The following MYO3B variants were observed in gnomAD, a reference collection of about 807,000 sequenced individuals.
MYO3B encodes the protein myosin IIIB.
MYO3B carries 156 observed loss-of-function variants against 174.6 expected under a neutral mutation model. The ratio of observed to expected loss-of-function variants is 0.89; its 90% CI spans 0.78 to 1.02. The LOEUF is 1.02. Ranked by LOEUF, MYO3B falls within the 50% of genes least tolerant of loss-of-function variation. MYO3B has a pLI of 0.00. For missense variants in MYO3B, 1,632 were observed against 1,639.4 expected, an observed-to-expected ratio of 1.00 and a Z score of 0.08; for synonymous variants, 563 against 569.1, an observed-to-expected ratio of 0.99 and a Z score of 0.15.
At chr2:170,321,440 T>C (rs1305745161) in intron 7 of MYO3B, among the ~76,000 whole-genome samples, 1 of 152,006 alleles carries the variant, frequency 6.6e-6, no homozygotes, top group Non-Finnish European at 1.5e-5. Flanking sequence ...AAAGTTTAAA[T>C]ATACAAAAAA....
At chr2:170,610,544 T>C (rs1056033661) in intron 32 of MYO3B, among the ~76,000 whole-genome samples, 2 of 152,196 alleles carry the variant, frequency 1.3e-5, no homozygotes, top group Non-Finnish European at 2.9e-5. Flanking sequence ...CTTTAAAAGC[T>C]GACATGAGAT....
intron 8 of MYO3B, among the ~76,000 whole-genome samples, chr2:170,368,295 C>G (rs564496708): frequency 3.3e-5 from 5 of 152,290 alleles, no homozygotes; most frequent in Non-Finnish European, 5.9e-5. Context: ...TCCTAAGCCT[C>G]CAATGTGGGC....
Position 170,383,776 on chromosome 2 carries a change from G to GCAAACCAGTGCAT in MYO3B, c.1253_1254insAAACCAGTGCATC (p.Ala419AsnfsTer47). On this transcript the variant is annotated frameshift_variant, in exon 12 of 35. Transcript: ENST00000408978. LOFTEE classifies it high-confidence loss of function. ...CCCCCACATATTTGCATCAGCAGAT[G>GCAAACCAGTGCAT]CTGCTTACCAGTGCATGGTTACTCT... is the stretch of plus-strand genomic sequence containing the variant. 6.2e-7 allele frequency: 1 copy of GCAAACCAGTGCAT among 1,613,784 alleles called. No individual in the cohort carries two copies. Among genetic ancestry groups the GCAAACCAGTGCAT allele is most frequent in the Admixed American group, 1.7e-5 (1 of 60,004 alleles).
At chr2:170,631,757 C>T (rs1260217215) in intron 32 of MYO3B, among the ~76,000 whole-genome samples, 2 of 151,876 alleles carry the variant, frequency 1.3e-5, no homozygotes, top group Non-Finnish European at 2.9e-5. Context: ...ATTCAACATT[C>T]AATGTGCAGA....
In MYO3B at chr2:170,498,675, TA is replaced by T. The variant is rs1242170473; in HGVS notation, c.3099del (p.Asp1034IlefsTer20). ...SCVAILEKSR[L>X]DHWVLGKTKV... is the part of the protein sequence containing the mutation. ...GTGGCTATCTTGGAAAAGTCCAGAT[TA>T]GATCACTGGGTACTGGGAAAAACAA... On this transcript the variant is annotated frameshift_variant, in exon 26 of 35. Coordinates refer to ENST00000408978, the MANE Select transcript of MYO3B (RefSeq NM_138995.5). LOFTEE classifies it high-confidence loss of function. 1 of 1,613,356 alleles carries T rather than the reference TA, an allele frequency of 6.2e-7. No individual in the cohort carries two copies. Among genetic ancestry groups the T allele is most frequent in the Non-Finnish European group, 8.5e-7 (1 of 1,179,398 alleles).
chr2:170,252,805 G>A (rs181422998), intron 7 of MYO3B, among the ~76,000 whole-genome samples: 135 of 152,260 alleles, frequency 8.9e-4, no homozygotes, highest in South Asian at 3.5e-3. Context: ...GGGAATAAGG[G>A]AGCAAGCCAC....
intron 21 of MYO3B, among the ~76,000 whole-genome samples, chr2:170,407,483 C>T (rs1295654204): frequency 6.6e-6 from 1 of 151,870 alleles, no homozygotes; most frequent in Non-Finnish European, 1.5e-5. Context: ...AACAAAACAA[C>T]AACAAAAGAA....
intron 30 of MYO3B, among the ~76,000 whole-genome samples, chr2:170,532,816 CAAAAA>C (rs35190722): frequency 2.3e-5 from 2 of 85,288 alleles, no homozygotes; most frequent in African/African-American, 8.9e-5. Context: ...AACTCTGTCT[CAAAAA>C]AAAAAAAAAA....
intron 22 of MYO3B, among the ~76,000 whole-genome samples, chr2:170,430,349 C>T (rs1210317468): frequency 6.7e-6 from 1 of 149,706 alleles, no homozygotes; most frequent in Non-Finnish European, 1.5e-5. Flanking sequence ...AGAATCATTC[C>T]ATAAAAATTT....
At chr2:170,417,147 A>G (rs1350050936) in intron 22 of MYO3B, among the ~76,000 whole-genome samples, 1 of 152,104 alleles carries the variant, frequency 6.6e-6, no homozygotes, top group Admixed American at 6.5e-5. Flanking sequence ...CTGACCCAGA[A>G]TTTAAGCTCA....
intron 25 of MYO3B, among the ~76,000 whole-genome samples, chr2:170,472,937 G>C (rs1160612825): frequency 1.3e-5 from 2 of 151,692 alleles, no homozygotes; most frequent in East Asian, 3.9e-4. Context: ...CTGAGCTCGA[G>C]CAATCTGTCT....
intron 28 of MYO3B, among the ~76,000 whole-genome samples, chr2:170,507,134 G>C (rs1687663913): frequency 6.6e-6 from 1 of 152,132 alleles, no homozygotes; most frequent in Non-Finnish European, 1.5e-5. Flanking sequence ...CTCTTTTCCT[G>C]GTGTTTTCCG....
intron 8 of MYO3B, among the ~76,000 whole-genome samples, chr2:170,336,810 A>G (rs1025448575): frequency 3.3e-5 from 5 of 152,110 alleles, no homozygotes; most frequent in Non-Finnish European, 5.9e-5. Flanking sequence ...CTATGAACCT[A>G]TATTTCAGTT....
At chr2:170,352,242 C>T (rs113281142) in intron 8 of MYO3B, among the ~76,000 whole-genome samples, 4,529 of 152,224 alleles carry the variant, frequency 0.03, 223 homozygotes, top group African/African-American at 0.1. Context: ...TGTGAGCCAC[C>T]GTGCCCGGCC....
At chr2:170,220,577 C>T (rs1393737376) in intron 6 of MYO3B, among the ~76,000 whole-genome samples, 1 of 137,504 alleles carries the variant, frequency 7.3e-6, no homozygotes, top group Non-Finnish European at 1.5e-5. Context: ...TGCAGTGAGC[C>T]AAGATTGCAC....
intron 30 of MYO3B, among the ~76,000 whole-genome samples, chr2:170,541,815 A>G (rs1171493766): frequency 6.6e-6 from 1 of 152,212 alleles, no homozygotes; most frequent in African/African-American, 2.4e-5. Flanking sequence ...TGTGGGAGAC[A>G]TATGATAAGC....
intron 7 of MYO3B, among the ~76,000 whole-genome samples, chr2:170,304,976 T>C (rs1243937548): frequency 1.3e-5 from 2 of 152,068 alleles, no homozygotes; most frequent in Non-Finnish European, 2.9e-5. Context: ...GGCTTTTGAA[T>C]TCTATTTCAT....
At chr2:170,469,009 G>T (rs1684809791) in intron 25 of MYO3B, among the ~76,000 whole-genome samples, 1 of 152,098 alleles carries the variant, frequency 6.6e-6, no homozygotes, top group Non-Finnish European at 1.5e-5. Flanking sequence ...ACAAAAATTA[G>T]CTGGGTGTGG....
chr2:170,345,170 A>G (rs1316511990), intron 8 of MYO3B: 2 of 152,240 alleles, frequency 1.3e-5, no homozygotes, highest in African/African-American at 4.8e-5. Context: ...ATGGAAATGC[A>G]GGCTCATGTC....
Sources: allele counts gnomAD v4.1 joint callset (sites outside exome capture counted in the v4.1 genomes callset), GRCh38; gene constraint gnomAD v4.1.1; transcripts MANE v1.5; gene names NCBI Gene and HGNC (gene_info 2026-07-23, HGNC 2026-07-21).